ZFP64: variants seen among roughly 807,000 people sequenced by gnomAD.
ZFP64 encodes the protein ZFP64 zinc finger protein.
A neutral mutation model predicts 51.6 loss-of-function variants in ZFP64; 14 were observed. The observed-to-expected ratio is 0.27, with a 90% CI of 0.18 to 0.42. The LOEUF (loss-of-function observed/expected upper bound fraction) is 0.42, where lower values mean the gene tolerates loss of function less well. Ranked by LOEUF, ZFP64 falls within the 10% of genes least tolerant of loss-of-function variation. ZFP64 has a pLI of 1.00. For synonymous variants in ZFP64, 375 were observed against 361.4 expected, an observed-to-expected ratio of 1.04 and a Z score of -0.43; for missense variants, 754 against 906.8, an observed-to-expected ratio of 0.83 and a Z score of 2.16.
At chr20:52,184,281 A>T (rs1983810566) in intron 2 of ZFP64, among the ~76,000 whole-genome samples, 1 of 152,324 alleles carries the variant, frequency 6.6e-6, no homozygotes. Flanking sequence ...TATTTGGAAA[A>T]TTTCACATTT....
intron 5 of ZFP64, among the ~76,000 whole-genome samples, chr20:52,103,647 C>CT (rs2079077414): frequency 6.6e-6 from 1 of 152,190 alleles, no homozygotes; most frequent in South Asian, 2.1e-4. Context: ...CAGCAATTCT[C>CT]TTCTATAAAC....
intron 5 of ZFP64, among the ~76,000 whole-genome samples, chr20:52,141,882 T>C (rs978734098): frequency 1.3e-5 from 2 of 152,182 alleles, no homozygotes; most frequent in Non-Finnish European, 2.9e-5. Flanking sequence ...AAAGATTTAA[T>C]TATGTCTTTT....
At chr20:52,154,922 G>A (rs185245934) in intron 5 of ZFP64, among the ~76,000 whole-genome samples, 169 of 152,238 alleles carry the variant, frequency 1.1e-3, no homozygotes, top group African/African-American at 4.0e-3. Flanking sequence ...CAGAAAAAGG[G>A]CCGTTTGCTG....
chr20:52,123,152 G>A (rs1007134944), intron 5 of ZFP64, among the ~76,000 whole-genome samples: 1 of 152,006 alleles, frequency 6.6e-6, no homozygotes, highest in Non-Finnish European at 1.5e-5. Context: ...CACCATGCCC[G>A]ACTAATTTTT....
chr20:52,172,088 C>T (rs991262781), intron 2 of ZFP64, among the ~76,000 whole-genome samples: 1 of 152,148 alleles, frequency 6.6e-6, no homozygotes, highest in Non-Finnish European at 1.5e-5. Context: ...AGTAGCCACT[C>T]ATCCCCAGGT....
At chr20:52,179,540 C>A (rs1983469435) in intron 2 of ZFP64, among the ~76,000 whole-genome samples, 1 of 152,184 alleles carries the variant, frequency 6.6e-6, no homozygotes, top group Non-Finnish European at 1.5e-5. Flanking sequence ...TCTCTGCATG[C>A]AGGGAGATTT....
chr20:52,176,505 C>CTCTTTTTTTTTTTTT (rs1555810297), intron 2 of ZFP64, among the ~76,000 whole-genome samples: 5 of 136,722 alleles, frequency 3.7e-5, no homozygotes, highest in African/African-American at 1.4e-4. Context: ...TTCAATCTCT[C>CTCTTTTTTTTTTTTT]TTTTTTTTTT....
Position 52,152,277 on chromosome 20 carries a change from C to A in ZFP64, c.1915G>T (p.Ala639Ser). Reference protein sequence around the residue: ...TVVSDGGQNIAVATTAPPVFS... With the variant: ...TVVSDGGQNISVATTAPPVFS... ...ACCGGTGGCGCTGTGGTGGCCACTG[C>A]GATGTTCTGGCCTCCATCGCTCACC... The change falls in exon 6 of 6, where the codon GCA becomes TCA. Residue 639 changes from alanine to serine, a missense_variant. By Grantham distance (99) the Ala-to-Ser change is moderately conservative. Transcript: ENST00000216923. 6.2e-7 allele frequency: 1 copy of A among 1,614,042 alleles called. No homozygotes were observed. The highest frequency in any genetic ancestry group is 8.5e-7 in the Non-Finnish European group (1 of 1,180,002).
At chr20:52,184,112 C>G (rs935000636) in intron 2 of ZFP64, among the ~76,000 whole-genome samples, 29 of 152,194 alleles carry the variant, frequency 1.9e-4, no homozygotes, top group African/African-American at 7.0e-4. Flanking sequence ...TCCCAAAGTG[C>G]TGGGACTACA....
At chr20:52,122,820 A>G (rs951378189) in intron 5 of ZFP64, among the ~76,000 whole-genome samples, 2 of 152,214 alleles carry the variant, frequency 1.3e-5, no homozygotes, top group African/African-American at 4.8e-5. Flanking sequence ...ATCTCATGAT[A>G]AAACCTCAAC....
chr20:52,149,212 G>A (rs370715224), downstream of ZFP64, among the ~76,000 whole-genome samples: 12 of 148,990 alleles, frequency 8.1e-5, no homozygotes, highest in East Asian at 1.6e-3. Flanking sequence ...AAATTAATCC[G>A]TATTTATGCA....
intron 7 of ZFP64, among the ~76,000 whole-genome samples, chr20:52,095,786 C>T (rs1240593697): frequency 3.3e-5 from 5 of 152,190 alleles, no homozygotes; most frequent in Non-Finnish European, 7.4e-5. Context: ...ATGTTCCAGG[C>T]CTTTCATTCT....
chr20:52,151,293 T>C lies in ZFP64; in HGVS notation c.*853A>G. 6 of 985,226 alleles carry C rather than the reference T, an allele frequency of 6.1e-6. No homozygotes were observed. Among genetic ancestry groups the C allele is most frequent in the Non-Finnish European group, 7.2e-6 (6 of 829,736 alleles). The allele number at this position is 985,226 out of a possible 1,614,324, so 61.0% of individuals were successfully genotyped here. On this transcript the variant is annotated 3_prime_UTR_variant, in exon 6 of 6. Transcript: ENST00000216923. Reference sequence around the variant, plus strand: ...TAACATTCAGTATATTTTAATCAGATATCAATTTATTATGGAACCATTCAT... The same window carrying C: ...TAACATTCAGTATATTTTAATCAGACATCAATTTATTATGGAACCATTCAT...
intron 2 of ZFP64, among the ~76,000 whole-genome samples, chr20:52,178,358 C>G (rs893494902): frequency 6.6e-6 from 1 of 152,218 alleles, no homozygotes; most frequent in Non-Finnish European, 1.5e-5. Flanking sequence ...TTTAACCCCT[C>G]TGTGCCTCAG....
intron 5 of ZFP64, among the ~76,000 whole-genome samples, chr20:52,142,860 C>CAAAAAAAAAAAAAAA (rs1568674174): frequency 1.2e-5 from 1 of 84,952 alleles, no homozygotes; most frequent in Non-Finnish European, 2.7e-5. Context: ...AAAAAAAAAG[C>CAAAAAAAAAAAAAAA]AAAAAAGAGG....
rs78754336 is a variant in ZFP64, at chr20:52,088,393, C to T, written c.1227G>A (p.Thr409=). The change falls in exon 8 of 9, where the codon ACG becomes ACA. Residue 409 remains threonine (T), a splice_region_variant and synonymous_variant. Coordinates refer to the ZFP64 transcript ENST00000361387. The stretch of plus-strand genomic sequence containing the variant: ...GAGGTTTCCTGGTCAGGGACTCACC[C>T]GTGTGAGATCGCAGGTGGACGGTGA... 5.0e-4 allele frequency: 802 copies of T among 1,613,874 alleles called. No individual in the cohort carries two copies. In the African/African-American group the frequency reaches 7.2e-3, roughly 14 times the overall value.
At chr20:52,168,586 T>A (rs942122577) in intron 2 of ZFP64, among the ~76,000 whole-genome samples, 4 of 152,158 alleles carry the variant, frequency 2.6e-5, no homozygotes, top group Admixed American at 2.6e-4. Context: ...TAAGAACCAT[T>A]AGCAGAGACC....
intron 5 of ZFP64, chr20:52,110,472 T>C (rs1469734405): frequency 5.9e-6 from 4 of 678,748 alleles, no homozygotes; most frequent in Non-Finnish European, 1.1e-5. Context: ...GTCATCTCTA[T>C]GCTGGGAAGT....
At chr20:52,173,734 C>T (rs1312759529) in intron 2 of ZFP64, among the ~76,000 whole-genome samples, 10 of 151,938 alleles carry the variant, frequency 6.6e-5, no homozygotes, top group Non-Finnish European at 1.0e-4. Flanking sequence ...CAGCAACCTC[C>T]GCTACCCAGG....
Sources: allele counts gnomAD v4.1 joint callset (sites outside exome capture counted in the v4.1 genomes callset), GRCh38; gene constraint gnomAD v4.1.1; transcripts MANE v1.5; gene names NCBI Gene and HGNC (gene_info 2026-07-23, HGNC 2026-07-21).